IGSF11: variants seen among roughly 807,000 people sequenced by gnomAD.
IGSF11 encodes immunoglobulin superfamily member 11, also known as CXADR like 1.
IGSF11 carries 22 observed loss-of-function variants against 41.0 expected under a neutral mutation model. That is an observed-to-expected ratio of 0.54 (90% confidence interval 0.38 to 0.77). The LOEUF is 0.77. IGSF11 is among the 30% of genes least tolerant of loss of function. The pLI is 0.00. For synonymous variants in IGSF11, 219 were observed against 201.3 expected (o/e 1.09, Z -0.74); for missense variants, 444 against 530.8 (o/e 0.84, Z 1.61).
chr3:119,088,173 T>A (rs1177933600), intron 1 of IGSF11, among the ~76,000 whole-genome samples: 3 of 151,238 alleles, frequency 2.0e-5, no homozygotes, highest in African/African-American at 7.3e-5. Flanking sequence ...TGCTCAGTCA[T>A]AAAGCAAGTC....
At chr3:118,910,462 CCT>C (rs1159819871) in intron 4 of IGSF11, among the ~76,000 whole-genome samples, 5 of 152,180 alleles carry the variant, frequency 3.3e-5, no homozygotes, top group African/African-American at 4.8e-5. Flanking sequence ...CTTCTCCACC[CCT>C]GTCACTAGGG....
At chr3:119,005,234 T>C (rs1216652413) in intron 1 of IGSF11, among the ~76,000 whole-genome samples, 29 of 146,530 alleles carry the variant, frequency 2.0e-4, no homozygotes, top group African/African-American at 6.9e-4. Flanking sequence ...TCTTTGTCTC[T>C]TTTGATCTTT....
chr3:119,097,914 C>CCAAGTAGCT lies in IGSF11; in HGVS notation c.49+7221_49+7229dup, dbSNP rs552640512. Among the ~76,000 whole-genome samples, 7 of 150,532 alleles carry CCAAGTAGCT rather than the reference C, an allele frequency of 4.7e-5. No individual in the cohort carries two copies. In the South Asian group the frequency reaches 1.5e-3, roughly 32 times the overall value. On this transcript the variant is annotated intron_variant, in intron 1 of 6. Transcript: ENST00000354673. ...CAAGCGATCCTCCCACCTCAGCCTC[C>CCAAGTAGCT]CAAGTAGCTAGGACTACAGGCACAT...
chr3:119,127,953 C>A (rs1466744557), intron 1 of IGSF11, among the ~76,000 whole-genome samples: 1 of 152,170 alleles, frequency 6.6e-6, no homozygotes, highest in Non-Finnish European at 1.5e-5. Context: ...CAAAAACACA[C>A]CAAAATATAA....
At chr3:119,007,537 T>C (rs115134505) in intron 1 of IGSF11, among the ~76,000 whole-genome samples, 109 of 152,282 alleles carry the variant, frequency 7.2e-4, no homozygotes, top group African/African-American at 2.5e-3. Flanking sequence ...CTTCCAACCT[T>C]TGGCAAACAC....
At chr3:118,973,159 G>A (rs1032262307) in intron 1 of IGSF11, among the ~76,000 whole-genome samples, 2 of 152,216 alleles carry the variant, frequency 1.3e-5, no homozygotes, top group Non-Finnish European at 2.9e-5. Context: ...GCAGGGAGCA[G>A]AGCTTGTCAT....
At chr3:119,047,505 G>T (rs1009777667) in intron 1 of IGSF11, among the ~76,000 whole-genome samples, 1 of 152,128 alleles carries the variant, frequency 6.6e-6, no homozygotes, top group Non-Finnish European at 1.5e-5. Flanking sequence ...AGCAAGTCCT[G>T]AGTGACCTAC....
chr3:118,953,994 G>A (rs571069359), intron 1 of IGSF11, among the ~76,000 whole-genome samples: 1 of 152,190 alleles, frequency 6.6e-6, no homozygotes, highest in African/African-American at 2.4e-5. Flanking sequence ...CGTCTAGAAA[G>A]GTTATTCCAA....
chr3:119,097,194 T>A (rs989501378), intron 1 of IGSF11, among the ~76,000 whole-genome samples: 5 of 152,110 alleles, frequency 3.3e-5, no homozygotes, highest in African/African-American at 1.2e-4. Flanking sequence ...GGAGCCCCTA[T>A]TTTGTCTGCC....
chr3:119,057,057 T>G (rs890954723), intron 1 of IGSF11, among the ~76,000 whole-genome samples: 1 of 152,156 alleles, frequency 6.6e-6, no homozygotes, highest in African/African-American at 2.4e-5. Flanking sequence ...CTTTGAAAAC[T>G]GGCACAAGAC....
intron 1 of IGSF11, among the ~76,000 whole-genome samples, chr3:119,092,385 G>C (rs2076778181): frequency 6.6e-6 from 1 of 151,904 alleles, no homozygotes; most frequent in African/African-American, 2.4e-5. Context: ...TGACCAGGCT[G>C]AGTGCAGTGG....
At chr3:119,139,896 G>A (rs966313891) in intron 1 of IGSF11, among the ~76,000 whole-genome samples, 4 of 152,096 alleles carry the variant, frequency 2.6e-5, no homozygotes, top group Non-Finnish European at 2.9e-5. Flanking sequence ...GTATACTGGA[G>A]CAAAGTTTTT....
intron 1 of IGSF11, among the ~76,000 whole-genome samples, chr3:118,975,154 C>T (rs546412487): frequency 3.4e-4 from 52 of 152,222 alleles, no homozygotes; most frequent in African/African-American, 1.2e-3. Flanking sequence ...AGAAGAAATT[C>T]TCCTCTATCT....
Position 118,918,329 on chromosome 3 carries a change from C to T in IGSF11, c.580+7772G>A, listed in dbSNP as rs1941386553. Among the ~76,000 whole-genome samples the T allele has an allele frequency of 1.9e-5, 2 of 103,664 alleles. 1 individual carries two copies. Among genetic ancestry groups the T allele is most frequent in the South Asian group, 9.1e-4 (2 of 2,198 alleles). 68.0% of individuals were successfully genotyped at this position (103,664 alleles called of 152,430 possible). A position where few individuals can be genotyped will look rare whatever the true frequency, so the allele number is the denominator to read the frequency against. On this transcript the variant is annotated intron_variant, in intron 4 of 6. Transcript: ENST00000393775. Reference sequence around the variant, plus strand: ...GAGGAAGTCAAATTGTCCCTGTTTGCAGACGACATGATTGTTTATCTAGAA... The same window carrying T: ...GAGGAAGTCAAATTGTCCCTGTTTGTAGACGACATGATTGTTTATCTAGAA...
chr3:118,917,809 G>C (rs1394212758), intron 4 of IGSF11, among the ~76,000 whole-genome samples: 2 of 151,186 alleles, frequency 1.3e-5, no homozygotes, highest in Non-Finnish European at 2.9e-5. Context: ...AACCAAAAAA[G>C]AGAATTTTAG....
rs538620484 is a variant in IGSF11 at position 119,019,297 on chromosome 3, A to G, written c.52+15234T>C. Among the ~76,000 whole-genome samples the G allele has an allele frequency of 2.0e-5, 3 of 151,180 alleles. No individual in the cohort carries two copies. In the South Asian group the frequency reaches 6.4e-4, roughly 32 times the overall value. On this transcript the variant is annotated intron_variant, in intron 1 of 6. Coordinates refer to ENST00000393775, the MANE Select transcript of IGSF11 (RefSeq NM_001015887.3). ...TACATTTACATTCCTTTGTTAATAAATAGGCATATGCAAAGAAACAGAGTC... is the reference window on the plus strand; with the variant it reads ...TACATTTACATTCCTTTGTTAATAAGTAGGCATATGCAAAGAAACAGAGTC...
At chr3:119,077,944 T>A (rs78813418) in intron 1 of IGSF11, among the ~76,000 whole-genome samples, 1,915 of 152,138 alleles carry the variant, frequency 0.013, 32 homozygotes, top group African/African-American at 0.044. Flanking sequence ...ATAAAATACC[T>A]AGGAAGGCAG....
chr3:118,913,617 A>C (rs1386766373), intron 4 of IGSF11, among the ~76,000 whole-genome samples: 1 of 152,048 alleles, frequency 6.6e-6, no homozygotes, highest in East Asian at 1.9e-4. Flanking sequence ...GAGAACAACA[A>C]CACTCATAGA....
intron 1 of IGSF11, among the ~76,000 whole-genome samples, chr3:119,102,554 A>G (rs1021682504): frequency 6.6e-6 from 1 of 152,324 alleles, no homozygotes; most frequent in Non-Finnish European, 1.5e-5. Flanking sequence ...CCATTTCCAT[A>G]CTTATATCCA....
Sources: gnomAD v4.1 joint callset for allele counts (sites outside exome capture counted in the v4.1 genomes callset) on GRCh38, gnomAD v4.1.1 for gene constraint, MANE v1.5 for transcripts, NCBI Gene and HGNC (gene_info 2026-07-23, HGNC 2026-07-21) for gene names.